The following CACNB4 variants were observed in gnomAD, a reference collection of about 807,000 sequenced individuals.
CACNB4 encodes the protein voltage-dependent L-type calcium channel subunit beta-4.
CACNB4 carries 32 observed loss-of-function variants against 71.2 expected under a neutral mutation model. The ratio of observed to expected loss-of-function variants is 0.45; its 90% CI spans 0.34 to 0.60. CACNB4 has a LOEUF of 0.60. Among genes scored for constraint, CACNB4 ranks in the 20% least tolerant of loss-of-function variants. The pLI, the probability that CACNB4 is intolerant of heterozygous loss-of-function variation, is 0.01. For synonymous variants in CACNB4, 231 were observed against 236.9 expected (o/e 0.97, Z 0.23); for missense variants, 464 against 647.9 (o/e 0.72, Z 3.08).
At chr2:152,084,140 C>G (rs1687518292) in intron 2 of CACNB4, among the ~76,000 whole-genome samples, 1 of 152,088 alleles carries the variant, frequency 6.6e-6, no homozygotes, top group Non-Finnish European at 1.5e-5. Flanking sequence ...GTTTTAGGTG[C>G]AGTTCGGGGC....
chr2:151,895,087 CA>C (rs778747783), intron 2 of CACNB4, among the ~76,000 whole-genome samples: 73 of 134,670 alleles, frequency 5.4e-4, no homozygotes, highest in Non-Finnish European at 1.0e-3. Flanking sequence ...AACCAGAACT[CA>C]AATAGCCCCA....
chr2:152,012,333 G>C (rs1478024228), intron 2 of CACNB4, among the ~76,000 whole-genome samples: 1 of 152,174 alleles, frequency 6.6e-6, no homozygotes, highest in Non-Finnish European at 1.5e-5. Flanking sequence ...AAAAGGCGTG[G>C]TGGCTCACAC....
At chr2:151,974,050 G>C (rs919998760) in intron 2 of CACNB4, 11 of 936,252 alleles carry the variant, frequency 1.2e-5, no homozygotes, top group African/African-American at 1.7e-5. Flanking sequence ...CCCTCGGAGA[G>C]TGGAGGGCGC....
At position 152,071,998 on chromosome 2, in the gene CACNB4, T is replaced by C. The variant is rs74539977; in HGVS notation, c.147+26332A>G. Among the ~76,000 whole-genome samples the C allele has an allele frequency of 1.1e-3, 174 of 152,354 alleles. 2 individuals carry two copies. In the East Asian group the frequency reaches 0.03, roughly 26 times the overall value. On this transcript the variant is annotated intron_variant, in intron 2 of 13. Coordinates refer to ENST00000539935, the MANE Select transcript of CACNB4 (RefSeq NM_000726.5). ...ATAAGGGTTTACACTGAGCACCCAC[T>C]ATGTGCCAGACACAGTTCTAGGCAT... is the stretch of plus-strand genomic sequence containing the variant.
At chr2:152,083,597 T>G (rs1481446958) in intron 2 of CACNB4, among the ~76,000 whole-genome samples, 1 of 152,208 alleles carries the variant, frequency 6.6e-6, no homozygotes, top group Non-Finnish European at 1.5e-5. Flanking sequence ...AAGCTGCTGA[T>G]GAAGCCACGA....
intron 2 of CACNB4, among the ~76,000 whole-genome samples, chr2:151,910,347 C>T (rs1175564578): frequency 6.6e-6 from 1 of 152,098 alleles, no homozygotes; most frequent in Non-Finnish European, 1.5e-5. Flanking sequence ...ATGATAGTTT[C>T]TTTTGTTGTG....
chr2:152,042,274 C>T (rs16830659), intron 2 of CACNB4, among the ~76,000 whole-genome samples: 11,203 of 152,304 alleles, frequency 0.074, 432 homozygotes, highest in African/African-American at 0.084. Flanking sequence ...TGCTCCTCTT[C>T]CCGCATAACC....
rs867486264 is a variant in CACNB4, at chr2:152,073,542, T to A, written c.147+24788A>T. 3.9e-5 allele frequency among the ~76,000 whole-genome samples: 6 copies of A among 152,164 alleles called. 1 individual carries two copies. Among genetic ancestry groups the A allele is most frequent in the Non-Finnish European group, 8.8e-5 (6 of 68,034 alleles). On this transcript the variant is annotated intron_variant, in intron 2 of 13. Coordinates refer to ENST00000539935, the MANE Select transcript of CACNB4 (RefSeq NM_000726.5). Reference sequence around the variant, plus strand: ...GGCATAAGTTAGCATAAGAATGGGATGATTATGAATTGGAACAAGCAGAGA... The same window carrying A: ...GGCATAAGTTAGCATAAGAATGGGAAGATTATGAATTGGAACAAGCAGAGA...
chr2:151,999,375 G>GTT (rs1682266538), intron 2 of CACNB4, among the ~76,000 whole-genome samples: 1 of 35,126 alleles, frequency 2.8e-5, no homozygotes, highest in Non-Finnish European at 1.9e-4. Context: ...GCCCTGTTAT[G>GTT]GTTTTTTTTT....
intron 2 of CACNB4, among the ~76,000 whole-genome samples, chr2:151,965,371 G>A (rs924674885): frequency 1.3e-5 from 2 of 152,106 alleles, no homozygotes; most frequent in African/African-American, 4.8e-5. Flanking sequence ...TTAACCAGGT[G>A]AGGCACAATT....
chr2:151,883,309 C>G lies in CACNB4; in HGVS notation c.209G>C (p.Arg70Pro), dbSNP rs772769233. The change falls in exon 3 of 14, where the codon CGG becomes CCG. Residue 70 changes from arginine (R) to proline (P), a missense_variant. Arg to Pro is a moderately radical substitution (Grantham distance 103). This residue lies in a region of CACNB4 where 299 missense variants were observed against 471.7 expected (regional missense o/e 0.63). Coordinates refer to ENST00000539935, the MANE Select transcript of CACNB4 (RefSeq NM_000726.5). The stretch of plus-strand genomic sequence containing the variant: ...TTCTCTCTCCTGTCGAATTGCTTCC[C>G]GGTCCTCTTCCAAAGAGACATCGGA... ...SDSDVSLEED[R>P]EAIRQEREQQ... The G allele has an allele frequency of 6.2e-7, 1 of 1,613,760 alleles. No individual in the cohort carries two copies.
At chr2:151,888,556 C>T (rs891735669) in intron 2 of CACNB4, among the ~76,000 whole-genome samples, 2 of 152,060 alleles carry the variant, frequency 1.3e-5, no homozygotes, top group African/African-American at 4.8e-5. Context: ...CAGAACAAGA[C>T]CCTGTCTCAA....
intron 2 of CACNB4, among the ~76,000 whole-genome samples, chr2:151,997,871 C>T (rs1309102670): frequency 6.6e-6 from 1 of 152,152 alleles, no homozygotes; most frequent in African/African-American, 2.4e-5. Flanking sequence ...TAAATTAATC[C>T]CTTTTTAATA....
intron 2 of CACNB4, among the ~76,000 whole-genome samples, chr2:151,952,471 C>T (rs1162907233): frequency 6.6e-6 from 1 of 152,196 alleles, no homozygotes; most frequent in Non-Finnish European, 1.5e-5. Flanking sequence ...GTCGCTTTAC[C>T]ATACTCCGCC....
chr2:152,011,777 G>A (rs1284104451), intron 2 of CACNB4, among the ~76,000 whole-genome samples: 4 of 152,144 alleles, frequency 2.6e-5, no homozygotes, highest in African/African-American at 7.2e-5. Context: ...ACAGTCATGC[G>A]CCACATAATG....
Position 151,883,413 on chromosome 2 carries a change from T to C in CACNB4, c.148-43A>G, listed in dbSNP as rs985928043. ...ATAGTTTCAGATGATGTGTAGCTTC[T>C]TAAATTGTCACATCCATAACAGTAT... On this transcript the variant is annotated intron_variant, in intron 2 of 13. Coordinates refer to ENST00000539935, the MANE Select transcript of CACNB4 (RefSeq NM_000726.5). The C allele has an allele frequency of 4.4e-6, 7 of 1,608,518 alleles. No homozygotes were observed. In the African/African-American group the frequency reaches 8.0e-5, roughly 18 times the overall value.
At chr2:151,873,221 T>C (rs948491645) in intron 5 of CACNB4, 2 of 152,236 alleles carry the variant, frequency 1.3e-5, no homozygotes, top group African/African-American at 4.8e-5. Context: ...CTTTCCCTTA[T>C]TGAGTCATAT....
chr2:152,060,293 G>T (rs915851355), intron 2 of CACNB4, among the ~76,000 whole-genome samples: 14 of 152,294 alleles, frequency 9.2e-5, no homozygotes, highest in African/African-American at 3.4e-4. Flanking sequence ...GTAAATGTTT[G>T]CTGAATGTTG....
intron 2 of CACNB4, among the ~76,000 whole-genome samples, chr2:151,917,436 G>A (rs1024256864): frequency 2.6e-5 from 4 of 152,200 alleles, no homozygotes; most frequent in African/African-American, 9.7e-5. Flanking sequence ...ACACAGGATT[G>A]TGGACTAAGT....
Sources: allele counts gnomAD v4.1 joint callset (sites outside exome capture counted in the v4.1 genomes callset), GRCh38; gene constraint gnomAD v4.1.1; regional missense constraint gnomAD v4.1.1; transcripts MANE v1.5; gene names NCBI Gene and HGNC (gene_info 2026-07-23, HGNC 2026-07-21).